The following NCOA6 variants were observed in gnomAD, a reference collection of about 807,000 sequenced individuals.
The protein encoded by NCOA6 is NRC RAP250.
NCOA6 carries 49 observed loss-of-function variants against 171.4 expected under a neutral mutation model. That is an observed-to-expected ratio of 0.29 (90% confidence interval 0.23 to 0.36). The LOEUF (loss-of-function observed/expected upper bound fraction) is 0.36. NCOA6 is among the 10% of genes least tolerant of loss of function. The pLI, the probability that NCOA6 is intolerant of heterozygous loss-of-function variation, is 1.00. For missense variants in NCOA6, 2,248 were observed against 2,554.5 expected (o/e 0.88, Z 2.59); for synonymous variants, 910 against 927.5 (o/e 0.98, Z 0.34).
chr20:34,782,460 GTA>G, intron 2 of NCOA6, 56 bp from the exon 3 acceptor site: 2 of 449,266 alleles, frequency 4.5e-6, no homozygotes, highest in Non-Finnish European at 7.7e-6. Context: ...ATTCAACAAT[GTA>G]TAATTCATAG....
chr20:34,727,454 C>A, intron 13 of NCOA6, 47 bp from the exon 14 acceptor site: 16 of 1,602,040 alleles, frequency 1.0e-5, no homozygotes, highest in Non-Finnish European at 1.1e-5. Flanking sequence ...GGGAACCAGG[C>A]CACACAAAAA....
In NCOA6 at chr20:34,735,580, C is replaced by T. The variant is rs187219742; in HGVS notation, c.5962+1110G>A. Among the ~76,000 whole-genome samples, 79 of 151,274 alleles carry T rather than the reference C, an allele frequency of 5.2e-4. 1 individual carries two copies. Among genetic ancestry groups the T allele is most frequent in the African/African-American group, 1.7e-3 (72 of 41,250 alleles). ...AATGGTGTGAACCCAGGAGGCAGAG[C>T]TTGCAGTGAGCCGAGATTGCGCCAC... On this transcript the variant is annotated intron_variant, in intron 12 of 14. Transcript: ENST00000359003.
At chr20:34,790,606 C>T (rs544336216) in intron 2 of NCOA6, among the ~76,000 whole-genome samples, 3 of 152,274 alleles carry the variant, frequency 2.0e-5, no homozygotes, top group East Asian at 1.9e-4. Flanking sequence ...GTACCCGCCT[C>T]GGCCTCCCAA....
At chr20:34,816,983 C>T (rs1359852058) in intron 1 of NCOA6, among the ~76,000 whole-genome samples, 5 of 150,624 alleles carry the variant, frequency 3.3e-5, no homozygotes, top group Admixed American at 6.6e-5. Flanking sequence ...ATTAGCTGGG[C>T]GTGGTGGCAG....
intron 11 of NCOA6, 51 bp from the exon 12 acceptor site, chr20:34,736,809 A>T (rs1055585349): frequency 2.0e-6 from 3 of 1,506,196 alleles, no homozygotes; most frequent in Non-Finnish European, 2.7e-6. Context: ...TTTCTAAACA[A>T]AAAGAAAGCA....
intron 12 of NCOA6, among the ~76,000 whole-genome samples, chr20:34,734,170 T>C (rs1009384748): frequency 6.6e-6 from 1 of 151,390 alleles, no homozygotes; most frequent in Non-Finnish European, 1.5e-5. Flanking sequence ...GTTCAAGCGA[T>C]TCTCCTGCCA....
intron 7 of NCOA6, 140 bp downstream of exon 7, chr20:34,757,080 T>C (rs2076662559): frequency 1.1e-5 from 9 of 854,546 alleles, no homozygotes; most frequent in Admixed American, 3.2e-5. Flanking sequence ...CTTTAAGTTA[T>C]ATCAAGTGTC....
chr20:34,822,023 C>T (rs935709553), intron 1 of NCOA6, among the ~76,000 whole-genome samples: 3 of 152,078 alleles, frequency 2.0e-5, no homozygotes, highest in Non-Finnish European at 1.5e-5. Flanking sequence ...CAGCCTCTGC[C>T]TTAGTTCAGA....
intron 2 of NCOA6, among the ~76,000 whole-genome samples, chr20:34,789,859 A>G (rs2077814223): frequency 6.6e-6 from 1 of 152,174 alleles, no homozygotes; most frequent in African/African-American, 2.4e-5. Flanking sequence ...CAGCATAACA[A>G]TAAAATAATA....
chr20:34,717,870 A>G (rs1476298469), intron 14 of NCOA6, among the ~76,000 whole-genome samples: 1 of 152,202 alleles, frequency 6.6e-6, no homozygotes, highest in Non-Finnish European at 1.5e-5. Context: ...TCAACTTTGG[A>G]AGCTTTTCCC....
chr20:34,743,263 G>C lies in NCOA6; in HGVS notation c.2993C>G (p.Pro998Arg), dbSNP rs2076206393. The change falls in exon 11 of 15, where the codon CCA (proline) becomes CGA (arginine). Residue 998 changes from proline (P) to arginine (R), a missense_variant. Around this residue, in one of 7 missense-constraint regions of NCOA6, gnomAD observed 352 missense variants for 419.1 expected, o/e 0.84. Coordinates refer to ENST00000359003, the MANE Select transcript of NCOA6 (RefSeq NM_014071.5). ...PQLMQHVAPP[P>R]QPPQQQPQPQ... ...CTGTGGCTGCTGCTGTGGTGGCTGT[G>C]GTGGGGGTGCCACATGCTGCATGAG... The C allele has an allele frequency of 3.7e-6, 6 of 1,613,956 alleles. No individual in the cohort carries two copies. Among genetic ancestry groups the C allele is most frequent in the Non-Finnish European group, 5.1e-6 (6 of 1,179,978 alleles).
At position 34,750,492 on chromosome 20, in the gene NCOA6, T is replaced by G; in HGVS notation, c.1703A>C (p.Asn568Thr). ...AGGQGAGPPQ[N>T]QMQVSHGPPN... ...CGGCCCGTGGGACACCTGCATCTGG[T>G]TTTGAGGAGGACCAGCTCCTTGACC... Residue 568 changes from asparagine (N) to threonine (T), a missense_variant, in exon 9 of 15, where the codon AAC (asparagine) becomes ACC (threonine). By Grantham distance (65) the Asn-to-Thr change is moderately conservative (BLOSUM62 0). Transcript: ENST00000359003. 1 of 1,609,982 alleles carries G rather than the reference T, an allele frequency of 6.2e-7. No individual in the cohort carries two copies. Among genetic ancestry groups the G allele is most frequent in the Non-Finnish European group, 8.5e-7 (1 of 1,177,536 alleles).
intron 2 of NCOA6, among the ~76,000 whole-genome samples, chr20:34,788,942 A>AAAATAAAT (rs886852793): frequency 3.9e-5 from 6 of 152,182 alleles, no homozygotes; most frequent in East Asian, 1.9e-4. Flanking sequence ...CTCCGTCTCA[A>AAAATAAAT]AAATAAATAA....
intron 1 of NCOA6, among the ~76,000 whole-genome samples, chr20:34,798,405 G>A (rs918294575): frequency 7.2e-5 from 11 of 152,224 alleles, no homozygotes; most frequent in African/African-American, 2.4e-4. Context: ...GCCCTGAAGG[G>A]AAGGACACAG....
At chr20:34,774,594 G>A (rs1244191969) in intron 4 of NCOA6, among the ~76,000 whole-genome samples, 1 of 152,178 alleles carries the variant, frequency 6.6e-6, no homozygotes, top group Non-Finnish European at 1.5e-5. Flanking sequence ...GTTTCATGGA[G>A]CAATTAGGTT....
chr20:34,736,594 C>T, intron 12 of NCOA6, 96 bp downstream of exon 12: 1 of 1,041,878 alleles, frequency 9.6e-7, no homozygotes, highest in Non-Finnish European at 1.4e-6. Flanking sequence ...GTTCCTGTCA[C>T]TTCCTGGCAT....
chr20:34,743,392 G>A (rs1356330943), intron 10 of NCOA6, 51 bp from the exon 11 acceptor site: 2 of 1,541,786 alleles, frequency 1.3e-6, no homozygotes, highest in East Asian at 2.3e-5. Context: ...GCAAGAAAAT[G>A]TTGCTACCTT....
intron 5 of NCOA6, among the ~76,000 whole-genome samples, chr20:34,765,453 A>G (rs1205571535): frequency 6.6e-6 from 1 of 152,010 alleles, no homozygotes; most frequent in African/African-American, 2.4e-5. Context: ...AAAAAAAAAA[A>G]AAAAGAAACA....
chr20:34,727,193 A>G (rs1990061772), intron 14 of NCOA6, 66 bp downstream of exon 14: 6 of 1,540,772 alleles, frequency 3.9e-6, no homozygotes, highest in Non-Finnish European at 5.3e-6. Flanking sequence ...AAAGTCTTCT[A>G]CTGCTGTGGT....
Sources: allele counts gnomAD v4.1 joint callset (sites outside exome capture counted in the v4.1 genomes callset), GRCh38; gene constraint gnomAD v4.1.1; regional missense constraint gnomAD v4.1.1; transcripts MANE v1.5; gene names NCBI Gene and HGNC (gene_info 2026-07-23, HGNC 2026-07-21).